Variants in DEFB123 observed in about 807,000 individuals in gnomAD.
DEFB123 encodes beta-defensin 123.
For missense variants in DEFB123, 71 were observed against 75.0 expected, an observed-to-expected ratio of 0.95 and a Z score of 0.20; for synonymous variants, 22 against 28.3, an observed-to-expected ratio of 0.78 and a Z score of 0.71.
chr20:31,441,885 T>C (rs1299562143), intron 1 of DEFB123, among the ~76,000 whole-genome samples: 1 of 152,210 alleles, frequency 6.6e-6, no homozygotes, highest in Admixed American at 6.5e-5. Flanking sequence ...GCTCAGAGTA[T>C]CAATTTCCTC....
At chr20:31,444,023 A>G (rs1600551140) in intron 1 of DEFB123, among the ~76,000 whole-genome samples, 2 of 152,316 alleles carry the variant, frequency 1.3e-5, no homozygotes, top group East Asian at 3.9e-4. Context: ...TGGTCTTTCC[A>G]TGCACAACCC....
chr20:31,444,639 A>G (rs1276968962), intron 1 of DEFB123, among the ~76,000 whole-genome samples: 1 of 152,222 alleles, frequency 6.6e-6, no homozygotes, highest in Non-Finnish European at 1.5e-5. Flanking sequence ...ACACTCTTAA[A>G]TTAAAAATTG....
At chr20:31,447,766 A>G (rs1370384413) in intron 1 of DEFB123, among the ~76,000 whole-genome samples, 16 of 134,820 alleles carry the variant, frequency 1.2e-4, no homozygotes, top group Admixed American at 2.3e-4. Flanking sequence ...ACAGGTGCAC[A>G]CCAACACACC....
intron 1 of DEFB123, among the ~76,000 whole-genome samples, chr20:31,447,780 CTT>C (rs34763122): frequency 9.0e-4 from 58 of 64,480 alleles, no homozygotes; most frequent in African/African-American, 3.5e-3. Flanking sequence ...ACACACCCGG[CTT>C]TTTTTTTTTT....
chr20:31,450,049 AATCTTT>A lies in DEFB123; in HGVS notation c.82_87del (p.Leu28_Tyr29del). ...GTCAGGTGGCACCCAAAGATGCTGG[AATCTTT>A]ATGGCAAATGCCGTTACAGATGCTC... On this transcript the variant is annotated inframe_deletion, in exon 2 of 2. Coordinates refer to ENST00000376309, the MANE Select transcript of DEFB123 (RefSeq NM_153324.4). 1.9e-6 allele frequency: 3 copies of A among 1,610,908 alleles called. No homozygotes were observed. The highest frequency in any genetic ancestry group is 2.5e-6 in the Non-Finnish European group (3 of 1,178,710).
chr20:31,441,687 A>C (rs753792566), intron 1 of DEFB123, among the ~76,000 whole-genome samples: 8 of 152,106 alleles, frequency 5.3e-5, no homozygotes, highest in Non-Finnish European at 1.2e-4. Flanking sequence ...ACCCACCCTA[A>C]GGCTGTCGGC....
At chr20:31,449,256 G>A (rs776217106) in intron 1 of DEFB123, among the ~76,000 whole-genome samples, 6 of 150,386 alleles carry the variant, frequency 4.0e-5, no homozygotes, top group Non-Finnish European at 7.4e-5. Context: ...TTCAGTTTCT[G>A]TATTTTGTTA....
intron 1 of DEFB123, among the ~76,000 whole-genome samples, chr20:31,445,487 A>T (rs1236376955): frequency 1.3e-5 from 2 of 152,122 alleles, no homozygotes; most frequent in African/African-American, 2.4e-5. Flanking sequence ...TTTATTTATG[A>T]ATCTGGAAGA....
rs754494663 is a variant in DEFB123, at chr20:31,450,062, A to G, written c.92A>G (p.Lys31Arg). Reference protein sequence around the residue: ...GTQRCWNLYGKCRYRCSKKER... With the variant: ...GTQRCWNLYGRCRYRCSKKER... ...CAAAGATGCTGGAATCTTTATGGCA[A>G]ATGCCGTTACAGATGCTCCAAGAAG... The change falls in exon 2 of 2, where the codon AAA (lysine) becomes AGA (arginine). Residue 31 changes from lysine (K) to arginine (R), a missense_variant. Physicochemically the swap from Lys to Arg is conservative, Grantham distance 26 (BLOSUM62 2). Transcript: ENST00000376309. The G allele has an allele frequency of 6.2e-7, 1 of 1,611,394 alleles. No individual in the cohort carries two copies. The highest frequency in any genetic ancestry group is 8.5e-7 in the Non-Finnish European group (1 of 1,178,964).
intron 1 of DEFB123, among the ~76,000 whole-genome samples, chr20:31,447,479 A>G (rs946269688): frequency 7.7e-6 from 1 of 130,188 alleles, no homozygotes; most frequent in Non-Finnish European, 1.6e-5. Context: ...TTTCAAATAC[A>G]TGAAAAAGTC....
At chr20:31,444,532 A>G (rs181588156) in intron 1 of DEFB123, among the ~76,000 whole-genome samples, 102 of 152,290 alleles carry the variant, frequency 6.7e-4, no homozygotes, top group African/African-American at 2.4e-3. Context: ...AAGACTGTGT[A>G]TAGTTTTAAA....
rs59939526 is a variant in DEFB123 at position 31,449,767 on chromosome 20, CAAAAAAAAAAAAAA to C, written c.59-250_59-237del. Among the ~76,000 whole-genome samples, 3 of 52,518 alleles carry C rather than the reference CAAAAAAAAAAAAAA, an allele frequency of 5.7e-5. No homozygotes were observed. In the East Asian group the frequency reaches 3.8e-3, roughly 67 times the overall value. 34.5% of individuals were successfully genotyped at this position (52,518 alleles called of 152,430 possible). The stretch of plus-strand genomic sequence containing the variant: ...CTAGGTGACAGAGCAAGACTCATCT[CAAAAAAAAAAAAAA>C]AAAAAAAAAAAGACAATCCGCACAC... On this transcript the variant is annotated intron_variant, in intron 1 of 1. Coordinates refer to ENST00000376309, the MANE Select transcript of DEFB123 (RefSeq NM_153324.4).
intron 1 of DEFB123, among the ~76,000 whole-genome samples, chr20:31,442,649 G>A (rs1979494095): frequency 7.2e-6 from 1 of 138,176 alleles, no homozygotes; most frequent in African/African-American, 2.9e-5. Flanking sequence ...CACCCAGGCT[G>A]GAGTGCTGGA....
intron 1 of DEFB123, among the ~76,000 whole-genome samples, chr20:31,449,104 T>C (rs1268334500): frequency 6.6e-6 from 1 of 152,080 alleles, no homozygotes; most frequent in Non-Finnish European, 1.5e-5. Context: ...TTGGAGCATA[T>C]TTATCATAGC....
At chr20:31,442,641 C>G (rs1979493860) in intron 1 of DEFB123, among the ~76,000 whole-genome samples, 1 of 140,470 alleles carries the variant, frequency 7.1e-6, no homozygotes, top group Admixed American at 7.3e-5. Flanking sequence ...TGCTCTGTCA[C>G]CCAGGCTGGA....
At chr20:31,447,498 C>A (rs1979619436) in intron 1 of DEFB123, among the ~76,000 whole-genome samples, 1 of 151,882 alleles carries the variant, frequency 6.6e-6, no homozygotes, top group East Asian at 1.9e-4. Flanking sequence ...TCTATTTCTC[C>A]ACTTTTAGAA....
intron 1 of DEFB123, among the ~76,000 whole-genome samples, chr20:31,442,668 G>C (rs970647840): frequency 1.3e-5 from 2 of 150,272 alleles, no homozygotes; most frequent in African/African-American, 4.9e-5. Flanking sequence ...GAGTGTAGAG[G>C]CACGATCTTA....
chr20:31,442,796 T>A (rs1196121212), intron 1 of DEFB123, among the ~76,000 whole-genome samples: 1 of 151,896 alleles, frequency 6.6e-6, no homozygotes, highest in Non-Finnish European at 1.5e-5. Context: ...TTTAGTAGGA[T>A]ACGGTTTGGC....
intron 1 of DEFB123, among the ~76,000 whole-genome samples, chr20:31,448,332 C>T (rs142504202): frequency 6.6e-4 from 100 of 151,972 alleles, no homozygotes; most frequent in African/African-American, 2.4e-3. Flanking sequence ...CCTTTGCATG[C>T]TTCTCTTTTG....
Sources: gnomAD v4.1 joint callset for allele counts (sites outside exome capture counted in the v4.1 genomes callset) on GRCh38, gnomAD v4.1.1 for gene constraint, MANE v1.5 for transcripts, NCBI Gene and HGNC (gene_info 2026-07-23, HGNC 2026-07-21) for gene names.